The following PDXK variants were observed in gnomAD, a reference collection of about 807,000 sequenced individuals.
PDXK encodes the protein pyridoxal kinase.
A neutral mutation model predicts 43.2 loss-of-function variants in PDXK; 15 were observed. That is an observed-to-expected ratio of 0.35 (90% CI 0.23 to 0.53). PDXK has a LOEUF of 0.53. PDXK is among the 20% of genes least tolerant of loss of function. The pLI, the probability that PDXK is intolerant of heterozygous loss-of-function variation, is 0.92. For synonymous variants in PDXK, 172 were observed against 165.4 expected (o/e 1.04, Z -0.31); for missense variants, 343 against 417.0 (o/e 0.82, Z 1.54).
chr21:43,753,497 C>A, intron 8 of PDXK, 86 bp from the exon 9 acceptor site: 1 of 1,437,698 alleles, frequency 7.0e-7, no homozygotes, highest in Non-Finnish European at 9.5e-7. Context: ...CTCCCTGCCG[C>A]CGTGCCCAGG....
In PDXK at chr21:43,734,176, C is replaced by T. The variant is rs886839098; in HGVS notation, c.142+53C>T. The T allele has an allele frequency of 1.4e-5, 21 of 1,500,238 alleles. No individual in the cohort carries two copies. The Admixed American group carries it at 1.9e-4, about 13-fold the overall frequency. The allele number at this position is 1,500,238 out of a possible 1,614,324, so 92.9% of individuals were successfully genotyped here. Reference sequence around the variant, plus strand: ...TAGAGCAGACTGTGGGTGTGAGGGACGGGGCGGAGTGTGGGTGTGAGGGAC... The same window carrying T: ...TAGAGCAGACTGTGGGTGTGAGGGATGGGGCGGAGTGTGGGTGTGAGGGAC... On this transcript the variant is annotated intron_variant, in intron 2 of 10. Transcript: ENST00000291565. This position sits in a 1 kb window ranked among gnomAD's most constrained non-coding sequence, Gnocchi z 5.0.
rs976748809 is a variant in PDXK, at chr21:43,723,045, A to T, written c.87+3664A>T. Among the ~76,000 whole-genome samples the T allele has an allele frequency of 6.6e-6, 1 of 151,406 alleles. No homozygotes were observed. The highest frequency in any genetic ancestry group is 1.5e-5 in the Non-Finnish European group (1 of 67,902). On this transcript the variant is annotated intron_variant, in intron 1 of 10. Transcript: ENST00000291565. This position sits in a 1 kb window ranked among gnomAD's most constrained non-coding sequence, Gnocchi z 4.1. ...AGTAGAGACGGGGTTTCACCGTGTTAGCCAGGATGGTCTCAATCTCCTGAC... is the reference window on the plus strand; with the variant it reads ...AGTAGAGACGGGGTTTCACCGTGTTTGCCAGGATGGTCTCAATCTCCTGAC...
At chr21:43,751,552 C>CA (rs1259900728) in intron 7 of PDXK, among the ~76,000 whole-genome samples, 1 of 152,088 alleles carries the variant, frequency 6.6e-6, no homozygotes, top group Non-Finnish European at 1.5e-5. Flanking sequence ...GACTCCATCT[C>CA]AAAAAACAAA....
At chr21:43,752,454 G>A in intron 7 of PDXK, 64 bp from the exon 8 acceptor site, 1 of 1,083,226 alleles carries the variant, frequency 9.2e-7, no homozygotes. Flanking sequence ...TCGGGGAGTG[G>A]GGTGTGACCA....
At chr21:43,744,693 G>A (rs952193362) in intron 4 of PDXK, 2 of 152,256 alleles carry the variant, frequency 1.3e-5, no homozygotes, top group African/African-American at 2.4e-5. Context: ...TGCAACCACT[G>A]TGGAAAACAC....
rs2083924890 is a variant in PDXK, at chr21:43,761,017, TTAGATG to T, written c.*4955_*4960del. The T allele has an allele frequency of 6.6e-6, 1 of 152,226 alleles. No individual in the cohort carries two copies. The highest frequency in any genetic ancestry group is 6.5e-5 in the Admixed American group (1 of 15,284). The allele number at this position is 152,226 out of a possible 1,614,324, so 9.4% of individuals were successfully genotyped here. A position where few individuals can be genotyped will look rare whatever the true frequency, so the allele number is the denominator to read the frequency against. ...GTTTAAAACAGTTTAATGAGTAAGT[TTAGATG>T]ACTGGTCAATATCTTAAAAATGTAT... On this transcript the variant is annotated 3_prime_UTR_variant, in exon 11 of 11. Transcript: ENST00000291565.
chr21:43,724,486 G>A (rs1037120792), intron 1 of PDXK, among the ~76,000 whole-genome samples: 5 of 152,092 alleles, frequency 3.3e-5, no homozygotes, highest in Admixed American at 2.6e-4. Flanking sequence ...CGCGTGACGG[G>A]GTCCCCAGGG....
Position 43,756,905 on chromosome 21 carries a change from G to T in PDXK, c.*842G>T, listed in dbSNP as rs2083861580. ...CTTGTGGAAGCTCCCCTCATCCGTG[G>T]TGCAGCAGGCTGAGCACTGCGCGTT... On this transcript the variant is annotated 3_prime_UTR_variant, in exon 11 of 11. Transcript: ENST00000291565. 2.6e-5 allele frequency: 4 copies of T among 152,460 alleles called. No homozygotes were observed. Among genetic ancestry groups the T allele is most frequent in the Admixed American group, 2.6e-4 (4 of 15,290 alleles). 9.4% of individuals were successfully genotyped at this position (152,460 alleles called of 1,614,324 possible).
rs2083422015 is a variant in PDXK at position 43,737,318 on chromosome 21, C to T, written c.142+3195C>T. 4 of 1,368,654 alleles carry T rather than the reference C, an allele frequency of 2.9e-6. No individual in the cohort carries two copies. The highest frequency in any genetic ancestry group is 3.8e-6 in the Non-Finnish European group (4 of 1,061,442). The allele number at this position is 1,368,654 out of a possible 1,614,324, so 84.8% of individuals were successfully genotyped here. On this transcript the variant is annotated intron_variant, in intron 2 of 10. Transcript: ENST00000291565. The surrounding 1 kb of genome is among the most constrained non-coding windows in gnomAD (Gnocchi z 4.8). ...CTCGAGGCTGCTGCTCGCACTTCTG[C>T]CCCTTCCCCCGGCCAGGCCCCCGTT...
chr21:43,723,183 C>G lies in PDXK; in HGVS notation c.87+3802C>G, dbSNP rs743464. ...TTTTTTTTTTTTTTGAGACGAGGGT[C>G]TCACTCTGTCGCTCAGGCTGAAGTA... is the stretch of plus-strand genomic sequence containing the variant. On this transcript the variant is annotated intron_variant, in intron 1 of 10. Coordinates refer to ENST00000291565, the MANE Select transcript of PDXK (RefSeq NM_003681.5). The surrounding 1 kb of genome is among the most constrained non-coding windows in gnomAD (Gnocchi z 4.1). Among the ~76,000 whole-genome samples the G allele has an allele frequency of 6.8e-6, 1 of 147,700 alleles. No homozygotes were observed. The highest frequency in any genetic ancestry group is 1.5e-5 in the Non-Finnish European group (1 of 67,280).
In PDXK at chr21:43,737,379, C is replaced by T. The variant is rs774326790; in HGVS notation, c.142+3256C>T. 207 of 1,210,526 alleles carry T rather than the reference C, an allele frequency of 1.7e-4. 1 individual carries two copies. Among genetic ancestry groups the T allele is most frequent in the Non-Finnish European group, 2.1e-4 (202 of 966,516 alleles). The allele number at this position is 1,210,526 out of a possible 1,614,324, so 75.0% of individuals were successfully genotyped here. On this transcript the variant is annotated intron_variant, in intron 2 of 10. Coordinates refer to ENST00000291565, the MANE Select transcript of PDXK (RefSeq NM_003681.5). The surrounding 1 kb of genome is among the most constrained non-coding windows in gnomAD (Gnocchi z 4.8). ...GTACCACAAGGTGCGTTCATTTTTC[C>T]ACACCGTGAGCTGGGCTTGGCAGAG...
intron 2 of PDXK, 120 bp from the exon 3 acceptor site, chr21:43,741,547 G>T (rs770716147): frequency 6.6e-7 from 1 of 1,520,612 alleles, no homozygotes; most frequent in Admixed American, 2.3e-5. Context: ...GTTTGAGCCA[G>T]TCCATGGGGA....
intron 6 of PDXK, among the ~76,000 whole-genome samples, chr21:43,749,931 G>T (rs552114284): frequency 3.3e-5 from 5 of 152,318 alleles, no homozygotes; most frequent in Admixed American, 2.0e-4. Flanking sequence ...AGCCACCAGC[G>T]CCCCAGTGCC....
chr21:43,736,275 C>T (rs1389204924), intron 2 of PDXK, among the ~76,000 whole-genome samples: 3 of 152,208 alleles, frequency 2.0e-5, no homozygotes, highest in Admixed American at 6.5e-5. Flanking sequence ...ATTGTAGGGG[C>T]TGTTCTGCTC....
At chr21:43,755,572 C>A in intron 9 of PDXK, 126 bp from the exon 10 acceptor site, 1 of 817,368 alleles carries the variant, frequency 1.2e-6, no homozygotes. Flanking sequence ...ATTGGCGGAG[C>A]CGGCTCCCCG....
At chr21:43,750,097 T>C (rs948350408) in intron 6 of PDXK, among the ~76,000 whole-genome samples, 12 of 152,070 alleles carry the variant, frequency 7.9e-5, no homozygotes, top group African/African-American at 2.9e-4. Flanking sequence ...TGTCCAAACT[T>C]GGGGGTGGCA....
At position 43,732,668 on chromosome 21, in the gene PDXK, G is replaced by C. The variant is rs2083335548; in HGVS notation, c.88-1401G>C. The C allele has an allele frequency of 1.3e-6, 1 of 776,890 alleles. No individual in the cohort carries two copies. Among genetic ancestry groups the C allele is most frequent in the African/African-American group, 1.7e-5 (1 of 58,982 alleles). 48.1% of individuals were successfully genotyped at this position (776,890 alleles called of 1,614,324 possible). A position where few individuals can be genotyped will look rare whatever the true frequency, so the allele number is the denominator to read the frequency against. On this transcript the variant is annotated intron_variant, in intron 1 of 10. Transcript: ENST00000291565. This position sits in a 1 kb window ranked among gnomAD's most constrained non-coding sequence, Gnocchi z 4.1. ...AGTCGGTTAGAATTTTAAAGGATTTGAAATACTGCAAGCTATCTGTGTATA... is the reference window on the plus strand; with the variant it reads ...AGTCGGTTAGAATTTTAAAGGATTTCAAATACTGCAAGCTATCTGTGTATA...
chr21:43,743,716 C>T lies in PDXK; in HGVS notation c.248-8C>T, dbSNP rs374893729. The T allele has an allele frequency of 4.4e-6, 7 of 1,602,822 alleles. No individual in the cohort carries two copies. Among genetic ancestry groups the T allele is most frequent in the Non-Finnish European group, 6.0e-6 (7 of 1,169,906 alleles). ...TTTCTGAGGGTGACCTGGATTCTCC[C>T]CCTAAAGGTTATACGAGGGACAAGT... On this transcript the variant is annotated splice_region_variant and splice_polypyrimidine_tract_variant and intron_variant, in intron 3 of 10. Transcript: ENST00000291565.
chr21:43,733,380 G>A (rs1022949017), intron 1 of PDXK, among the ~76,000 whole-genome samples: 1 of 152,022 alleles, frequency 6.6e-6, no homozygotes, highest in Non-Finnish European at 1.5e-5. Flanking sequence ...ATGCAGCAGG[G>A]AGAGAGGGTT....
Sources: allele counts gnomAD v4.1 joint callset (sites outside exome capture counted in the v4.1 genomes callset), GRCh38; gene constraint gnomAD v4.1.1; non-coding constraint Gnocchi (gnomAD v3.1); transcripts MANE v1.5; gene names NCBI Gene and HGNC (gene_info 2026-07-23, HGNC 2026-07-21).